Variants in TENM4 observed in about 807,000 individuals in gnomAD.
TENM4 encodes the protein teneurin transmembrane protein 4, also known as teneurin-4.
Under a neutral mutation model 243.3 loss-of-function variants are expected in TENM4, and 82 were observed. The ratio of observed to expected loss-of-function variants is 0.34; its 90% confidence interval spans 0.28 to 0.40. The LOEUF is 0.40. Among genes scored for constraint, TENM4 ranks in the 10% least tolerant of loss-of-function variants. TENM4 has a pLI of 1.00. For synonymous variants in TENM4, 1,412 were observed against 1,456.3 expected, an observed-to-expected ratio of 0.97 and a Z score of 0.69; for missense variants, 3,138 against 3,673.3, an observed-to-expected ratio of 0.85 and a Z score of 3.77.
intron 1 of TENM4, among the ~76,000 whole-genome samples, chr11:79,340,090 G>A (rs1170287068): frequency 6.6e-6 from 1 of 152,202 alleles, no homozygotes; most frequent in African/African-American, 2.4e-5. Context: ...AAGATAAAGT[G>A]TCCTACAAAG....
At chr11:78,936,966 C>G (rs754293323) in intron 6 of TENM4, among the ~76,000 whole-genome samples, 12 of 152,062 alleles carry the variant, frequency 7.9e-5, no homozygotes, top group Non-Finnish European at 1.3e-4. Flanking sequence ...AATTAAGGAA[C>G]TTGATTGAAA....
intron 2 of TENM4, among the ~76,000 whole-genome samples, chr11:79,285,067 G>A (rs756817392): frequency 3.9e-5 from 6 of 152,028 alleles, no homozygotes; most frequent in Middle Eastern, 3.4e-3. Flanking sequence ...GTGAAACCCC[G>A]TCTCTACTAA....
At position 79,215,788 on chromosome 11, in the gene TENM4, G is replaced by A. The variant is rs1346939758; in HGVS notation, c.-163+20C>T. Reference sequence around the variant, plus strand: ...ATTTGCAGCTAATGACAGAAAATCAGAGCAGACAAGGGGACTGACCTGGCT... The same window carrying A: ...ATTTGCAGCTAATGACAGAAAATCAAAGCAGACAAGGGGACTGACCTGGCT... On this transcript the variant is annotated intron_variant, in intron 3 of 33. Transcript: ENST00000278550. 2.2e-5 allele frequency: 22 copies of A among 985,752 alleles called. No individual in the cohort carries two copies. The highest frequency in any genetic ancestry group is 2.5e-5 in the Non-Finnish European group (21 of 829,980). 61.1% of individuals were successfully genotyped at this position (985,752 alleles called of 1,614,324 possible).
intron 6 of TENM4, among the ~76,000 whole-genome samples, chr11:78,940,353 G>A (rs572390): frequency 1 from 152,349 of 152,350 alleles, 76,174 homozygotes; most frequent in Non-Finnish European, 1. Flanking sequence ...TCTGTTTTTG[G>A]AAATATTTCT....
intron 6 of TENM4, among the ~76,000 whole-genome samples, chr11:79,014,078 C>G (rs1591208057): frequency 6.6e-6 from 1 of 152,306 alleles, no homozygotes; most frequent in South Asian, 2.1e-4. Context: ...ATCCTCAGAG[C>G]CCGGCACAGT....
intron 6 of TENM4, among the ~76,000 whole-genome samples, chr11:78,973,152 G>T (rs1156929190): frequency 2.0e-5 from 3 of 152,222 alleles, no homozygotes; most frequent in Non-Finnish European, 4.4e-5. Context: ...AAACCTTTGT[G>T]TATACATTTC....
intron 1 of TENM4, among the ~76,000 whole-genome samples, chr11:79,344,922 A>T (rs1349309129): frequency 1.3e-5 from 2 of 152,220 alleles, no homozygotes; most frequent in African/African-American, 4.8e-5. Context: ...GTCAGATGCA[A>T]TTCACAGTAG....
In TENM4 at chr11:78,653,521, G is replaced by A. The variant is rs1198596413; in HGVS notation, c.*4537C>T. 1 of 152,234 alleles carries A rather than the reference G, an allele frequency of 6.6e-6. No homozygotes were observed. Among genetic ancestry groups the A allele is most frequent in the Non-Finnish European group, 1.5e-5 (1 of 68,044 alleles). 9.4% of individuals were successfully genotyped at this position (152,234 alleles called of 1,614,324 possible). On this transcript the variant is annotated 3_prime_UTR_variant, in exon 34 of 34. Transcript: ENST00000278550. The stretch of plus-strand genomic sequence containing the variant: ...ACATGGTAAGGCCAGAGTCTCCAGT[G>A]TTGGTCATCCAGAAGCAGCTTGGTA...
At chr11:79,177,191 T>TA (rs1863178197) in intron 3 of TENM4, among the ~76,000 whole-genome samples, 1 of 152,072 alleles carries the variant, frequency 6.6e-6, no homozygotes, top group Non-Finnish European at 1.5e-5. Flanking sequence ...TATATTGGTA[T>TA]TCAGTATATA....
intron 2 of TENM4, among the ~76,000 whole-genome samples, chr11:79,285,783 A>T (rs1022570399): frequency 1.3e-5 from 2 of 152,140 alleles, no homozygotes; most frequent in Non-Finnish European, 2.9e-5. Context: ...CAAAGGCAAC[A>T]TCTTGTATGA....
intron 2 of TENM4, among the ~76,000 whole-genome samples, chr11:79,238,850 C>A (rs1864532090): frequency 6.6e-6 from 1 of 151,352 alleles, no homozygotes; most frequent in African/African-American, 2.4e-5. Flanking sequence ...CGTGGTGAAA[C>A]CCCGTTTCTC....
At chr11:78,961,732 C>T (rs1250429722) in intron 6 of TENM4, among the ~76,000 whole-genome samples, 2 of 151,886 alleles carry the variant, frequency 1.3e-5, no homozygotes, top group East Asian at 3.9e-4. Flanking sequence ...CAGTGCCTGG[C>T]ACAGTCCCTG....
intron 4 of TENM4, chr11:79,096,928 G>GCGCGCGCACA (rs1491382120): frequency 7.5e-6 from 1 of 133,888 alleles, no homozygotes; most frequent in African/African-American, 2.6e-5. Context: ...GCGCGCGCGC[G>GCGCGCGCACA]CACACACACA....
intron 2 of TENM4, among the ~76,000 whole-genome samples, chr11:79,233,778 G>A (rs1864412822): frequency 6.6e-6 from 1 of 152,176 alleles, no homozygotes; most frequent in Non-Finnish European, 1.5e-5. Context: ...GGCAAACCTT[G>A]GTTAAGATGG....
At chr11:79,385,954 C>T (rs1858103393) in intron 1 of TENM4, among the ~76,000 whole-genome samples, 1 of 152,092 alleles carries the variant, frequency 6.6e-6, no homozygotes, top group Admixed American at 6.5e-5. Context: ...GAACAATCCC[C>T]CTCAAAAAAA....
intron 6 of TENM4, among the ~76,000 whole-genome samples, chr11:79,047,611 G>T (rs1441543039): frequency 6.6e-6 from 1 of 152,106 alleles, no homozygotes; most frequent in African/African-American, 2.4e-5. Context: ...AGGCTCCTTG[G>T]ACTAAGACCA....
chr11:78,903,962 A>G (rs1027671421), intron 6 of TENM4: 2 of 410,414 alleles, frequency 4.9e-6, no homozygotes, highest in African/African-American at 4.1e-5. Context: ...AGGGCCCAGG[A>G]AACTGATTTT....
chr11:78,845,435 C>G (rs1858368032), intron 12 of TENM4, among the ~76,000 whole-genome samples: 1 of 152,198 alleles, frequency 6.6e-6, no homozygotes, highest in Admixed American at 6.5e-5. Flanking sequence ...CATCTAAACC[C>G]AGGCTGGGCT....
At chr11:78,830,336 G>C (rs919696789) in intron 12 of TENM4, among the ~76,000 whole-genome samples, 2 of 152,162 alleles carry the variant, frequency 1.3e-5, no homozygotes, top group African/African-American at 2.4e-5. Flanking sequence ...CATCAGTACA[G>C]CCAGGGGCTG....
Sources: gnomAD v4.1 joint callset for allele counts (sites outside exome capture counted in the v4.1 genomes callset) on GRCh38, gnomAD v4.1.1 for gene constraint, MANE v1.5 for transcripts, NCBI Gene and HGNC (gene_info 2026-07-23, HGNC 2026-07-21) for gene names.